MACO1: variants seen among roughly 807,000 people sequenced by gnomAD.
MACO1 encodes macoilin.
In MACO1, 14 loss-of-function variants were observed where a neutral mutation model predicts 78.7. The observed-to-expected ratio is 0.18, with a 90% CI of 0.12 to 0.28. MACO1 has a LOEUF of 0.28. Ranked by LOEUF, MACO1 falls within the 10% of genes least tolerant of loss-of-function variation. The pLI is 1.00. For missense variants in MACO1, 501 were observed against 799.0 expected (o/e 0.63, Z 4.50); for synonymous variants, 288 against 291.6 (o/e 0.99, Z 0.12).
In MACO1 at chr1:25,485,946, C is replaced by CCTG; in HGVS notation, c.1496+151_1496+152insCTG. 1.2e-6 allele frequency: 1 copy of CCTG among 830,298 alleles called. No individual in the cohort carries two copies. Among genetic ancestry groups the CCTG allele is most frequent in the Non-Finnish European group, 1.9e-6 (1 of 530,732 alleles). The allele number at this position is 830,298 out of a possible 1,614,324, so 51.4% of individuals were successfully genotyped here. Reference sequence around the variant, plus strand: ...GTACTGTTTTATTAACTGGTTTAAACTCCATGTGTGCAAGCTTGCACTATC... The same window carrying CCTG: ...GTACTGTTTTATTAACTGGTTTAAACCTGTCCATGTGTGCAAGCTTGCACTATC... On this transcript the variant is annotated intron_variant, in intron 8 of 10. Coordinates refer to ENST00000374343, the MANE Select transcript of MACO1 (RefSeq NM_018202.6). This position sits in a 1 kb window ranked among gnomAD's most constrained non-coding sequence, Gnocchi z 4.3.
chr1:25,480,604 T>C (rs35589882), intron 6 of MACO1, among the ~76,000 whole-genome samples: 86,834 of 151,870 alleles, frequency 0.57, 26,311 homozygotes, highest in African/African-American at 0.77. Flanking sequence ...TAGTCTTTGA[T>C]AAAATTTTTA....
intron 6 of MACO1, among the ~76,000 whole-genome samples, chr1:25,475,925 G>A (rs2043318203): frequency 6.6e-6 from 1 of 152,032 alleles, no homozygotes; most frequent in African/African-American, 2.4e-5. Flanking sequence ...TTCTTCATTG[G>A]TGATTTTTTA....
At chr1:25,465,537 CAT>C (rs1249857632) in intron 6 of MACO1, among the ~76,000 whole-genome samples, 2 of 152,190 alleles carry the variant, frequency 1.3e-5, no homozygotes, top group Non-Finnish European at 2.9e-5. Context: ...TCCCTGGTGA[CAT>C]ATGATATGAT....
intron 1 of MACO1, among the ~76,000 whole-genome samples, chr1:25,432,527 G>A (rs181923245): frequency 1.6e-4 from 24 of 152,324 alleles, no homozygotes; most frequent in Non-Finnish European, 2.8e-4. Flanking sequence ...TCTAATCTAT[G>A]CTGGATGAAT....
intron 1 of MACO1, among the ~76,000 whole-genome samples, chr1:25,437,320 T>C (rs948877653): frequency 1.2e-4 from 18 of 148,014 alleles, no homozygotes; most frequent in Non-Finnish European, 4.5e-5. Context: ...TTTTTTTTTT[T>C]TGCGTTTTTG....
chr1:25,444,640 G>A (rs1252328252), intron 1 of MACO1, among the ~76,000 whole-genome samples: 2 of 152,092 alleles, frequency 1.3e-5, no homozygotes, highest in Non-Finnish European at 2.9e-5. Context: ...AGGCTGGAGT[G>A]CAGTGGCACA....
chr1:25,486,632 C>T (rs61775196), intron 8 of MACO1, among the ~76,000 whole-genome samples: 86 of 152,174 alleles, frequency 5.7e-4, no homozygotes, highest in African/African-American at 9.6e-5. Flanking sequence ...TTTGCTTTGT[C>T]GTAATTAAAG....
At chr1:25,456,055 C>G (rs999398526) in intron 4 of MACO1, among the ~76,000 whole-genome samples, 1 of 151,986 alleles carries the variant, frequency 6.6e-6, no homozygotes, top group African/African-American at 2.4e-5. Flanking sequence ...GTCGAGAGAT[C>G]GAGACCATCC....
At chr1:25,434,997 A>G (rs1338551736) in intron 1 of MACO1, among the ~76,000 whole-genome samples, 1 of 152,218 alleles carries the variant, frequency 6.6e-6, no homozygotes. Flanking sequence ...TGACTTTATA[A>G]TATAAAAATG....
chr1:25,433,232 G>A (rs1384673803), intron 1 of MACO1, among the ~76,000 whole-genome samples: 1 of 151,396 alleles, frequency 6.6e-6, no homozygotes, highest in Non-Finnish European at 1.5e-5. Context: ...CTGTTTCTTG[G>A]TTTATATTAT....
At chr1:25,464,664 C>CG (rs1267207198) in intron 6 of MACO1, among the ~76,000 whole-genome samples, 1 of 96,562 alleles carries the variant, frequency 1.0e-5, no homozygotes, top group Non-Finnish European at 2.4e-5. Context: ...TCCCCCACCC[C>CG]CCCCCTCCGC....
At chr1:25,489,822 C>T (rs537714210) in intron 9 of MACO1, among the ~76,000 whole-genome samples, 1 of 152,012 alleles carries the variant, frequency 6.6e-6, no homozygotes, top group South Asian at 2.1e-4. Flanking sequence ...GTAATTTGAG[C>T]CAGGTGGGAC....
intron 6 of MACO1, among the ~76,000 whole-genome samples, chr1:25,480,929 A>AAAAAAAAAAATAT (rs1553166539): frequency 6.3e-5 from 3 of 47,938 alleles, no homozygotes; most frequent in African/African-American, 9.7e-5. Context: ...AAAAAAAAAA[A>AAAAAAAAAAATAT]ATATATATAT....
chr1:25,439,675 T>G (rs549400859), intron 1 of MACO1, among the ~76,000 whole-genome samples: 13 of 152,126 alleles, frequency 8.5e-5, no homozygotes, highest in African/African-American at 2.2e-4. Flanking sequence ...TTTCTGTTTT[T>G]TTTTTTTTTG....
chr1:25,496,702 A>G (rs943286251), intron 10 of MACO1, among the ~76,000 whole-genome samples: 12 of 119,578 alleles, frequency 1.0e-4, no homozygotes, highest in Admixed American at 2.3e-4. Context: ...CTAACAATGG[A>G]AAAAAAAAAA....
At position 25,489,200 on chromosome 1, in the gene MACO1, T is replaced by C; in HGVS notation, c.1524T>C (p.Asn508=). ...GAGAATGCACCGAAACCTTACGGAATCGGATCAGAGAACTAGAAGCAGAGG... is the reference window on the plus strand; with the variant it reads ...GAGAATGCACCGAAACCTTACGGAACCGGATCAGAGAACTAGAAGCAGAGG... The part of the protein sequence containing the change: ...SRGECTETLR[N]RIRELEAEGK... The change falls in exon 9 of 11, where the codon AAT becomes AAC. Residue 508 remains asparagine (N), a synonymous_variant. Coordinates refer to ENST00000374343, the MANE Select transcript of MACO1 (RefSeq NM_018202.6). 6.2e-7 allele frequency: 1 copy of C among 1,613,988 alleles called. No individual in the cohort carries two copies. Among genetic ancestry groups the C allele is most frequent in the Non-Finnish European group, 8.5e-7 (1 of 1,179,950 alleles).
chr1:25,454,426 G>GTA, intron 4 of MACO1, 44 bp downstream of exon 4: 1 of 1,263,368 alleles, frequency 7.9e-7, no homozygotes, highest in Admixed American at 2.0e-5. Flanking sequence ...GTATATGTGT[G>GTA]TATGTATATA....
chr1:25,456,139 TC>T (rs1426085690), intron 4 of MACO1, among the ~76,000 whole-genome samples: 3 of 151,508 alleles, frequency 2.0e-5, no homozygotes, highest in Non-Finnish European at 4.4e-5. Flanking sequence ...AGGCCTGTAG[TC>T]CCAGCTACTC....
chr1:25,464,750 G>A (rs1342282273), intron 6 of MACO1, among the ~76,000 whole-genome samples: 7 of 140,694 alleles, frequency 5.0e-5, no homozygotes, highest in South Asian at 4.5e-4. Context: ...TTCACCTCCC[G>A]GGTTCAAGTG....
Sources: allele counts gnomAD v4.1 joint callset (sites outside exome capture counted in the v4.1 genomes callset), GRCh38; gene constraint gnomAD v4.1.1; non-coding constraint Gnocchi (gnomAD v3.1); transcripts MANE v1.5; gene names NCBI Gene and HGNC (gene_info 2026-07-23, HGNC 2026-07-21).